Variants in NEUROD1 observed in about 807,000 individuals in gnomAD.
NEUROD1 encodes neuronal differentiation 1.
Under a neutral mutation model 21.8 loss-of-function variants are expected in NEUROD1, and 9 were observed. The observed-to-expected ratio is 0.41, with a 90% CI of 0.25 to 0.72. The LOEUF (loss-of-function observed/expected upper bound fraction) is 0.72. Among genes scored for constraint, NEUROD1 ranks in the 30% least tolerant of loss-of-function variants. NEUROD1 has a pLI of 0.31. For missense variants in NEUROD1, 434 were observed against 468.8 expected (o/e 0.93, Z 0.69); for synonymous variants, 199 against 186.2 (o/e 1.07, Z -0.56).
chr2:181,671,334 T>C (rs1349733977), exon 2 of NEUROD1, among the ~76,000 whole-genome samples: 3 of 152,222 alleles, frequency 2.0e-5, no homozygotes, highest in Admixed American at 2.0e-4. Context: ...GGTTTAGTTA[T>C]AATTTATATC....
rs866836827 is a variant in NEUROD1 at position 181,678,393 on chromosome 2, G to C, written c.468C>G (p.Ile156Met). 4.3e-6 allele frequency: 7 copies of C among 1,614,222 alleles called. No homozygotes were observed. Among genetic ancestry groups the C allele is most frequent in the Non-Finnish European group, 5.9e-6 (7 of 1,180,048 alleles). The change falls in exon 2 of 2, where the codon ATC becomes ATG. Residue 156 changes from isoleucine (I) to methionine (M), a missense_variant. Ile to Met is a conservative substitution (Grantham distance 10). Coordinates refer to ENST00000295108, the MANE Select transcript of NEUROD1 (RefSeq NM_002500.5). This position sits in a 1 kb window ranked among gnomAD's most constrained non-coding sequence, Gnocchi z 5.5. ...AKNYIWALSE[I>M]LRSGKSPDLV... ...GGTCTGGGCTTTTGCCTGAGCGCAG[G>C]ATCTCCGACAGAGCCCAGATGTAGT...
In NEUROD1 at chr2:181,678,601, T is replaced by C. The variant is rs758515206; in HGVS notation, c.260A>G (p.Lys87Arg). Residue 87 changes from lysine (K) to arginine (R), a missense_variant, in exon 2 of 2, where the codon AAA becomes AGA. Transcript: ENST00000295108. This position sits in a 1 kb window ranked among gnomAD's most constrained non-coding sequence, Gnocchi z 5.5. Reference sequence around the variant, plus strand: ...GCGAGCCTTAGTCATCTTCTTCTTTTTGGGGCCGCGTCTCTTGGGCTTTTG... The same window carrying C: ...GCGAGCCTTAGTCATCTTCTTCTTTCTGGGGCCGCGTCTCTTGGGCTTTTG... ...DDQKPKRRGP[K>R]KKKMTKARLE... 3.1e-6 allele frequency: 5 copies of C among 1,614,170 alleles called. No individual in the cohort carries two copies. Among genetic ancestry groups the C allele is most frequent in the South Asian group, 2.2e-5 (2 of 91,074 alleles).
At chr2:181,668,725 A>C (rs1688454591), downstream of NEUROD1, among the ~76,000 whole-genome samples, 1 of 152,158 alleles carries the variant, frequency 6.6e-6, no homozygotes, top group Non-Finnish European at 1.5e-5. Context: ...ACCACTGCTA[A>C]GTATTGGCCA....
chr2:181,678,600 T>C lies in NEUROD1; in HGVS notation c.261A>G (p.Lys87=). 6.2e-7 allele frequency: 1 copy of C among 1,614,148 alleles called. No homozygotes were observed. Among genetic ancestry groups the C allele is most frequent in the Non-Finnish European group, 8.5e-7 (1 of 1,180,014 alleles). The change falls in exon 2 of 2, where the codon AAA becomes AAG. Residue 87 remains lysine (K), a synonymous_variant. Transcript: ENST00000295108. This position sits in a 1 kb window ranked among gnomAD's most constrained non-coding sequence, Gnocchi z 5.5. ...DDQKPKRRGP[K]KKKMTKARLE... ...GGCGAGCCTTAGTCATCTTCTTCTTTTTGGGGCCGCGTCTCTTGGGCTTTT... is the reference window on the plus strand; with the variant it reads ...GGCGAGCCTTAGTCATCTTCTTCTTCTTGGGGCCGCGTCTCTTGGGCTTTT...
chr2:181,668,295 G>A (rs995856718), downstream of NEUROD1, among the ~76,000 whole-genome samples: 8 of 152,012 alleles, frequency 5.3e-5, no homozygotes, highest in African/African-American at 1.7e-4. Context: ...GTGCCTTCTA[G>A]CCACACTCTT....
Position 181,678,021 on chromosome 2 carries a change from A to G in NEUROD1, c.840T>C (p.Asn280=). 2 of 1,614,208 alleles carry G rather than the reference A, an allele frequency of 1.2e-6. No homozygotes were observed. Among genetic ancestry groups the G allele is most frequent in the South Asian group, 1.1e-5 (1 of 91,088 alleles). Residue 280 remains asparagine (N), a synonymous_variant, in exon 2 of 2, where the codon AAT becomes AAC. Coordinates refer to ENST00000295108, the MANE Select transcript of NEUROD1 (RefSeq NM_002500.5). This position sits in a 1 kb window ranked among gnomAD's most constrained non-coding sequence, Gnocchi z 5.5. ...DGPLSPPLSI[N]GNFSFKHEPS... ...GTTCGTGTTTGAAAGAGAAGTTGCCATTGATGCTGAGCGGCGGGCTGAGGG... is the reference window on the plus strand; with the variant it reads ...GTTCGTGTTTGAAAGAGAAGTTGCCGTTGATGCTGAGCGGCGGGCTGAGGG...
intron 1 of NEUROD1, among the ~76,000 whole-genome samples, chr2:181,679,627 C>T (rs1340986768): frequency 6.6e-6 from 1 of 152,240 alleles, no homozygotes; most frequent in Non-Finnish European, 1.5e-5. Context: ...AGCGCTCTCC[C>T]ACGCGCCGGG....
downstream of NEUROD1, among the ~76,000 whole-genome samples, chr2:181,669,535 C>G (rs1021756398): frequency 1.3e-5 from 2 of 152,172 alleles, no homozygotes; most frequent in African/African-American, 2.4e-5. Flanking sequence ...AAGGATGTTT[C>G]TCTATTCCAA....
At position 181,680,513 on chromosome 2, in the gene NEUROD1, C is replaced by T. The variant is rs1395966445; in HGVS notation, c.-95G>A. 2 of 152,394 alleles carry T rather than the reference C, an allele frequency of 1.3e-5. No homozygotes were observed. Among genetic ancestry groups the T allele is most frequent in the African/African-American group, 2.4e-5 (1 of 41,480 alleles). The allele number at this position is 152,394 out of a possible 1,614,324, so 9.4% of individuals were successfully genotyped here. ...CCGCGCCTCCTGCGTGGGCGAATTC[C>T]TCGTGTCGTGGCCGCGCGGGCGCTC... On this transcript the variant is annotated 5_prime_UTR_variant, in exon 1 of 2. Transcript: ENST00000295108.
downstream of NEUROD1, among the ~76,000 whole-genome samples, chr2:181,675,450 A>G (rs759312720): frequency 6.6e-6 from 1 of 152,112 alleles, no homozygotes; most frequent in African/African-American, 2.4e-5. Context: ...TAAATCACCA[A>G]TGAGAAGGAG....
chr2:181,675,567 G>T (rs1418929999), downstream of NEUROD1, among the ~76,000 whole-genome samples: 1 of 152,068 alleles, frequency 6.6e-6, no homozygotes, highest in Non-Finnish European at 1.5e-5. Flanking sequence ...CCACAGTAGA[G>T]CCAGGGCACA....
chr2:181,677,987 C>G lies in NEUROD1; in HGVS notation c.874G>C (p.Glu292Gln). 6.2e-7 allele frequency: 1 copy of G among 1,614,200 alleles called. No individual in the cohort carries two copies. Residue 292 changes from glutamate to glutamine, a missense_variant, in exon 2 of 2, where the codon GAG becomes CAG. Coordinates refer to ENST00000295108, the MANE Select transcript of NEUROD1 (RefSeq NM_002500.5). The part of the protein sequence containing the change: ...NFSFKHEPSA[E>Q]FEKNYAFTMH... Reference sequence around the variant, plus strand: ...GTAAAGGCATAATTTTTCTCAAACTCGGCGGACGGTTCGTGTTTGAAAGAG... The same window carrying G: ...GTAAAGGCATAATTTTTCTCAAACTGGGCGGACGGTTCGTGTTTGAAAGAG...
rs1267773646 is a variant in NEUROD1 at position 181,678,130 on chromosome 2, G to A, written c.731C>T (p.Pro244Leu). ...CGCTGCGCTGTAGGCGTGCGGCGGA[G>A]GCTTAACGTGGAAGACATGGGAGCT... ...MDSSHVFHVKPPPHAYSAALE... is the reference protein window; with the variant it reads ...MDSSHVFHVKLPPHAYSAALE... The change falls in exon 2 of 2, where the codon CCT (proline) becomes CTT (leucine). Residue 244 changes from proline (P) to leucine (L), a missense_variant. Pro to Leu is a moderately conservative substitution (Grantham distance 98). Transcript: ENST00000295108. The surrounding 1 kb of genome is among the most constrained non-coding windows in gnomAD (Gnocchi z 5.5). 6.2e-7 allele frequency: 1 copy of A among 1,614,084 alleles called. No homozygotes were observed. The highest frequency in any genetic ancestry group is 8.5e-7 in the Non-Finnish European group (1 of 1,180,058).
chr2:181,678,122 G>T lies in NEUROD1; in HGVS notation c.739C>A (p.His247Asn). The T allele has an allele frequency of 1.2e-6, 2 of 1,614,222 alleles. No homozygotes were observed. The highest frequency in any genetic ancestry group is 1.7e-6 in the Non-Finnish European group (2 of 1,180,048). The change falls in exon 2 of 2, where the codon CAC (histidine) becomes AAC (asparagine). Residue 247 changes from histidine to asparagine, a missense_variant. Coordinates refer to ENST00000295108, the MANE Select transcript of NEUROD1 (RefSeq NM_002500.5). The surrounding 1 kb of genome is among the most constrained non-coding windows in gnomAD (Gnocchi z 5.5). ...SHVFHVKPPP[H>N]AYSAALEPFF... Reference sequence around the variant, plus strand: ...GGCTCCAGCGCTGCGCTGTAGGCGTGCGGCGGAGGCTTAACGTGGAAGACA... The same window carrying T: ...GGCTCCAGCGCTGCGCTGTAGGCGTTCGGCGGAGGCTTAACGTGGAAGACA...
downstream of NEUROD1, among the ~76,000 whole-genome samples, chr2:181,669,200 G>T (rs1038138667): frequency 6.6e-6 from 1 of 152,244 alleles, no homozygotes; most frequent in African/African-American, 2.4e-5. Context: ...AGCCTCTCTT[G>T]TATCAGGCAA....
rs771932855 is a variant in NEUROD1, at chr2:181,677,704, T to C, written c.*86A>G. ...GAGTATTTGCACTTTGCAGCAGTAGTACCCAAAGGGCTGCCTTTTGTAAAC... is the reference window on the plus strand; with the variant it reads ...GAGTATTTGCACTTTGCAGCAGTAGCACCCAAAGGGCTGCCTTTTGTAAAC... On this transcript the variant is annotated 3_prime_UTR_variant, in exon 2 of 2. Coordinates refer to ENST00000295108, the MANE Select transcript of NEUROD1 (RefSeq NM_002500.5). 1.9e-6 allele frequency: 3 copies of C among 1,609,046 alleles called. No individual in the cohort carries two copies. Among genetic ancestry groups the C allele is most frequent in the Admixed American group, 1.7e-5 (1 of 60,004 alleles).
downstream of NEUROD1, among the ~76,000 whole-genome samples, chr2:181,671,725 C>A (rs1384290664): frequency 6.6e-6 from 1 of 152,152 alleles, no homozygotes; most frequent in Non-Finnish European, 1.5e-5. Flanking sequence ...AGCCACTGCA[C>A]CCAACCACCG....
At chr2:181,675,230 G>A (rs1688551409), downstream of NEUROD1, among the ~76,000 whole-genome samples, 1 of 152,190 alleles carries the variant, frequency 6.6e-6, no homozygotes, top group Non-Finnish European at 1.5e-5. Flanking sequence ...TCTGTCATGT[G>A]ATGAAGGCTG....
chr2:181,677,541 T>C lies in NEUROD1; in HGVS notation c.*249A>G. 1 of 533,874 alleles carries C rather than the reference T, an allele frequency of 1.9e-6. No individual in the cohort carries two copies. The highest frequency in any genetic ancestry group is 3.9e-5 in the East Asian group (1 of 25,656). The allele number at this position is 533,874 out of a possible 1,614,324, so 33.1% of individuals were successfully genotyped here. On this transcript the variant is annotated 3_prime_UTR_variant, in exon 2 of 2. Coordinates refer to ENST00000295108, the MANE Select transcript of NEUROD1 (RefSeq NM_002500.5). ...AGCCACACCAAATTCGTGGTGTATTTTTTAAACTTTACTGTATTTTTTTAT... is the reference window on the plus strand; with the variant it reads ...AGCCACACCAAATTCGTGGTGTATTCTTTAAACTTTACTGTATTTTTTTAT...
Sources: gnomAD v4.1 joint callset for allele counts (sites outside exome capture counted in the v4.1 genomes callset) on GRCh38, gnomAD v4.1.1 for gene constraint, Gnocchi (gnomAD v3.1) non-coding constraint, MANE v1.5 for transcripts, NCBI Gene and HGNC (gene_info 2026-07-23, HGNC 2026-07-21) for gene names.